FRMPD4: variants seen among roughly 807,000 people sequenced by gnomAD.
The protein encoded by FRMPD4 is FERM and PDZ domain containing 4.
Under a neutral mutation model 94.1 loss-of-function variants are expected in FRMPD4, and 22 were observed. The observed-to-expected ratio is 0.23, with a 90% CI of 0.17 to 0.33. The LOEUF (loss-of-function observed/expected upper bound fraction) is 0.33, where lower values mean the gene tolerates loss of function less well. Ranked by LOEUF, FRMPD4 falls within the 10% of genes least tolerant of loss-of-function variation. The pLI is 1.00. For missense variants in FRMPD4, 1,111 were observed against 1,339.9 expected (o/e 0.83, Z 2.67); for synonymous variants, 631 against 548.6 (o/e 1.15, Z -2.10).
At chrX:12,309,690 G>A (rs143918566) in intron 1 of FRMPD4, among the ~76,000 whole-genome samples, 42 of 112,332 alleles carry the variant, frequency 3.7e-4, no homozygotes, top group Middle Eastern at 4.6e-3. Context: ...AATGGAACAC[G>A]CAGATACTAT....
At chrX:12,580,993 CTG>C (rs1264962737) in intron 2 of FRMPD4, among the ~76,000 whole-genome samples, 1 of 112,288 alleles carries the variant, frequency 8.9e-6, no homozygotes, top group African/African-American at 3.2e-5. Context: ...CCACAGATAA[CTG>C]AAACTGTGGA....
At chrX:12,382,942 T>C (rs1272374359) in intron 1 of FRMPD4, among the ~76,000 whole-genome samples, 6 of 112,336 alleles carry the variant, frequency 5.3e-5, no homozygotes, top group Admixed American at 9.4e-5. Flanking sequence ...AAAACGTTTG[T>C]TGGATCAATG....
At chrX:12,601,463 T>A (rs1242533691) in intron 2 of FRMPD4, among the ~76,000 whole-genome samples, 3 of 111,455 alleles carry the variant, frequency 2.7e-5, no homozygotes, top group Admixed American at 9.5e-5. Context: ...GGATCCTGAT[T>A]AGTGAGGGTT....
chrX:11,969,304 C>T (rs181054301), intron 3 of FRMPD4, among the ~76,000 whole-genome samples: 21 of 112,109 alleles, frequency 1.9e-4, no homozygotes, highest in Admixed American at 3.8e-4. Context: ...GCCCCTACCC[C>T]GTTTACTGAA....
At chrX:12,042,837 G>A (rs764587756) in intron 3 of FRMPD4, among the ~76,000 whole-genome samples, 5 of 111,829 alleles carry the variant, frequency 4.5e-5, no homozygotes, top group Admixed American at 9.5e-5. Flanking sequence ...TCTCCCTTTC[G>A]TTTTATACTG....
At chrX:12,187,949 C>A (rs1031935630) in intron 1 of FRMPD4, among the ~76,000 whole-genome samples, 52 of 111,792 alleles carry the variant, frequency 4.7e-4, no homozygotes, top group African/African-American at 1.7e-3. Flanking sequence ...TTATTGATAT[C>A]CCTTAGTGTG....
chrX:12,033,080 G>A (rs1251669930), intron 3 of FRMPD4, among the ~76,000 whole-genome samples: 1 of 112,328 alleles, frequency 8.9e-6, no homozygotes, highest in Non-Finnish European at 1.9e-5. Flanking sequence ...ACTCCATTCT[G>A]TTTTGGATTC....
chrX:11,992,195 C>T (rs894674033), intron 3 of FRMPD4, among the ~76,000 whole-genome samples: 1 of 111,096 alleles, frequency 9.0e-6, no homozygotes, highest in African/African-American at 3.3e-5. Flanking sequence ...ATGATCATTC[C>T]ATGGCTCATA....
intron 3 of FRMPD4, among the ~76,000 whole-genome samples, chrX:11,888,543 GAA>G (rs1316908598): frequency 9.0e-6 from 1 of 111,476 alleles, no homozygotes; most frequent in African/African-American, 3.3e-5. Flanking sequence ...TTTTTATATA[GAA>G]AATTTGAACA....
intron 1 of FRMPD4, among the ~76,000 whole-genome samples, chrX:12,248,692 T>C (rs1273537365): frequency 2.7e-5 from 3 of 112,612 alleles, no homozygotes; most frequent in African/African-American, 9.7e-5. Context: ...ATAACCCCGA[T>C]GACATTTTGA....
At chrX:12,161,833 C>A (rs901864609) in intron 1 of FRMPD4, among the ~76,000 whole-genome samples, 1 of 111,725 alleles carries the variant, frequency 9.0e-6, no homozygotes, top group Non-Finnish European at 1.9e-5. Context: ...TTCAAATAGT[C>A]TCATTTCCGA....
At chrX:12,485,825 C>A (rs1385362182) in intron 1 of FRMPD4, among the ~76,000 whole-genome samples, 3 of 110,305 alleles carry the variant, frequency 2.7e-5, no homozygotes, top group African/African-American at 6.6e-5. Context: ...ATGAGAATCG[C>A]TTGAACCCAG....
chrX:12,195,162 T>C (rs1462674144), intron 1 of FRMPD4, among the ~76,000 whole-genome samples: 1 of 111,877 alleles, frequency 8.9e-6, no homozygotes, highest in Non-Finnish European at 1.9e-5. Flanking sequence ...GAATTTGAAA[T>C]GTTTAACCGC....
chrX:12,316,183 G>A (rs764390653), intron 1 of FRMPD4, among the ~76,000 whole-genome samples: 2 of 111,487 alleles, frequency 1.8e-5, no homozygotes, highest in East Asian at 5.6e-4. Flanking sequence ...GTCTCGTTCT[G>A]TTGCCCAGGC....
intron 3 of FRMPD4, among the ~76,000 whole-genome samples, chrX:12,097,728 TC>T (rs1283661232): frequency 1.8e-5 from 2 of 112,770 alleles, no homozygotes; most frequent in African/African-American, 6.4e-5. Flanking sequence ...TCAAGGTTTA[TC>T]CATGCTGTAG....
intron 1 of FRMPD4, among the ~76,000 whole-genome samples, chrX:12,457,543 G>C (rs2057346906): frequency 9.0e-6 from 1 of 111,517 alleles, no homozygotes; most frequent in African/African-American, 3.3e-5. Context: ...CTCCATACTA[G>C]AGGTGAGTAA....
At chrX:12,213,879 T>A (rs1312214391) in intron 1 of FRMPD4, among the ~76,000 whole-genome samples, 1 of 112,387 alleles carries the variant, frequency 8.9e-6, no homozygotes, top group African/African-American at 3.2e-5. Context: ...TTCTTAAAAT[T>A]CTGTCTTACT....
chrX:12,237,614 A>G (rs1426577359), intron 1 of FRMPD4, among the ~76,000 whole-genome samples: 1 of 112,280 alleles, frequency 8.9e-6, no homozygotes, highest in Non-Finnish European at 1.9e-5. Flanking sequence ...AAAGTTGGTC[A>G]TTCAAATATT....
chrX:12,093,833 C>A (rs923489705), intron 3 of FRMPD4, among the ~76,000 whole-genome samples: 3 of 109,752 alleles, frequency 2.7e-5, no homozygotes, highest in Non-Finnish European at 5.7e-5. Context: ...ACCAGCTCTC[C>A]TGCCTCATCT....
Sources: allele counts gnomAD v4.1 joint callset (sites outside exome capture counted in the v4.1 genomes callset), GRCh38; gene constraint gnomAD v4.1.1; transcripts MANE v1.5; gene names NCBI Gene and HGNC (gene_info 2026-07-23, HGNC 2026-07-21).